NRXN1: variants seen among roughly 807,000 people sequenced by gnomAD.
NRXN1 encodes neurexin 1, also known as neurexin-1.
In NRXN1, 39 loss-of-function variants were observed where a neutral mutation model predicts 150.9. That is an observed-to-expected ratio of 0.26 (90% CI 0.20 to 0.34). The LOEUF (loss-of-function observed/expected upper bound fraction) is 0.34, where lower values mean the gene tolerates loss of function less well. Among genes scored for constraint, NRXN1 ranks in the 10% least tolerant of loss-of-function variants. The pLI is 1.00. For missense variants in NRXN1, 1,815 were observed against 1,949.9 expected (o/e 0.93, Z 1.30); for synonymous variants, 924 against 757.0 (o/e 1.22, Z -3.62).
intron 12 of NRXN1, chr2:50,506,835 A>G (rs2092249810): frequency 1.9e-6 from 1 of 528,970 alleles, no homozygotes. Context: ...AGCAAGGAAA[A>G]TGACAACTTT....
intron 18 of NRXN1, among the ~76,000 whole-genome samples, chr2:50,197,136 G>C (rs1474785868): frequency 1.3e-5 from 2 of 152,072 alleles, no homozygotes; most frequent in East Asian, 1.9e-4. Context: ...GAAAATTATA[G>C]TCCACTTTTT....
At position 50,146,885 on chromosome 2, in the gene NRXN1, A is replaced by G. The variant is rs574116940; in HGVS notation, c.3547-55391T>C. On this transcript the variant is annotated intron_variant, in intron 18 of 22. Coordinates refer to ENST00000401669, the MANE Select transcript of NRXN1 (RefSeq NM_001330078.2). ...TGGGAAGTCTTTTCTGAAGGTTTCA[A>G]TTTATTCCTCTTAAGAATTTATTTT... Among the ~76,000 whole-genome samples, 51 of 151,800 alleles carry G rather than the reference A, an allele frequency of 3.4e-4. No individual in the cohort carries two copies. The South Asian group carries it at 9.5e-3, about 28-fold the overall frequency.
In NRXN1 at chr2:50,253,269, G is replaced by T. The variant is rs745759098; in HGVS notation, c.3365-16299C>A. Reference sequence around the variant, plus strand: ...TTTCTGCACATTGATTTTGTATCTTGAGACTTTGCTGAAGTTGTTTATCAG... The same window carrying T: ...TTTCTGCACATTGATTTTGTATCTTTAGACTTTGCTGAAGTTGTTTATCAG... On this transcript the variant is annotated intron_variant, in intron 17 of 22. Transcript: ENST00000401669. 2.2e-4 allele frequency among the ~76,000 whole-genome samples: 34 copies of T among 152,132 alleles called. 1 individual carries two copies. The highest frequency in any genetic ancestry group is 1.2e-4 in the Non-Finnish European group (8 of 68,028).
intron 17 of NRXN1, among the ~76,000 whole-genome samples, chr2:50,376,143 C>T (rs1159003202): frequency 6.6e-6 from 1 of 151,128 alleles, no homozygotes; most frequent in African/African-American, 2.4e-5. Context: ...TTCATTAATT[C>T]CTGAAGAAAA....
intron 15 of NRXN1, among the ~76,000 whole-genome samples, chr2:50,491,514 TGAG>T (rs2091253143): frequency 6.6e-6 from 1 of 151,988 alleles, no homozygotes; most frequent in African/African-American, 2.4e-5. Flanking sequence ...CTAGGAAGGT[TGAG>T]GAGGAGATAA....
intron 16 of NRXN1, among the ~76,000 whole-genome samples, chr2:50,468,923 T>A (rs1558784534): frequency 6.6e-6 from 1 of 151,662 alleles, no homozygotes; most frequent in East Asian, 1.9e-4. Flanking sequence ...TAATGGAGCC[T>A]AGAGCTGAAT....
chr2:50,021,538 A>C (rs1687567807), intron 21 of NRXN1, among the ~76,000 whole-genome samples: 1 of 152,208 alleles, frequency 6.6e-6, no homozygotes, highest in Non-Finnish European at 1.5e-5. Context: ...CCCGTTGAGA[A>C]ATAGTGAAGA....
At chr2:50,375,196 A>T (rs371769121) in intron 17 of NRXN1, among the ~76,000 whole-genome samples, 1 of 152,050 alleles carries the variant, frequency 6.6e-6, no homozygotes, top group South Asian at 2.1e-4. Flanking sequence ...GGAAAGTTGC[A>T]TGCTTTCTCT....
chr2:50,894,040 G>T (rs1334072901), intron 5 of NRXN1, among the ~76,000 whole-genome samples: 1 of 151,630 alleles, frequency 6.6e-6, no homozygotes, highest in Non-Finnish European at 1.5e-5. Flanking sequence ...CTTTGCTATT[G>T]TGAATAATGC....
At chr2:50,521,895 CT>C (rs2092798913) in intron 12 of NRXN1, among the ~76,000 whole-genome samples, 1 of 152,072 alleles carries the variant, frequency 6.6e-6, no homozygotes, top group Admixed American at 6.6e-5. Flanking sequence ...TGGTGAGTAG[CT>C]TATGGGGCGA....
chr2:50,647,486 A>G, intron 5 of NRXN1, among the ~76,000 whole-genome samples: 1 of 151,996 alleles, frequency 6.6e-6, no homozygotes, highest in East Asian at 1.9e-4. Flanking sequence ...CAAAATAGAA[A>G]TAGCTTACAA....
At chr2:50,504,978 C>G (rs571521662) in intron 13 of NRXN1, among the ~76,000 whole-genome samples, 1 of 152,172 alleles carries the variant, frequency 6.6e-6, no homozygotes, top group South Asian at 2.1e-4. Flanking sequence ...ATACCCAAAA[C>G]CAAGTTCCTT....
At chr2:50,804,840 T>C (rs1574533740) in intron 5 of NRXN1, among the ~76,000 whole-genome samples, 1 of 152,336 alleles carries the variant, frequency 6.6e-6, no homozygotes, top group East Asian at 1.9e-4. Flanking sequence ...CCAACCACTC[T>C]TCCCTTCTCC....
chr2:50,497,237 A>C, intron 14 of NRXN1, 96 bp downstream of exon 14: 1 of 925,854 alleles, frequency 1.1e-6, no homozygotes, highest in Non-Finnish European at 1.5e-6. Flanking sequence ...CCACCACCTT[A>C]TGAGCCAGTA....
chr2:50,041,204 T>C (rs1451938009), intron 21 of NRXN1, among the ~76,000 whole-genome samples: 1 of 152,210 alleles, frequency 6.6e-6, no homozygotes, highest in African/African-American at 2.4e-5. Flanking sequence ...ATTTAAGTCT[T>C]TGCATCCAAT....
intron 17 of NRXN1, among the ~76,000 whole-genome samples, chr2:50,450,370 A>G (rs1295723214): frequency 6.6e-6 from 1 of 152,038 alleles, no homozygotes; most frequent in Non-Finnish European, 1.5e-5. Context: ...TTCCATAAAT[A>G]TATACTGAGT....
chr2:50,788,615 G>GA (rs1705486638), intron 5 of NRXN1, among the ~76,000 whole-genome samples: 1 of 151,940 alleles, frequency 6.6e-6, no homozygotes, highest in Admixed American at 6.6e-5. Context: ...CAGAGAGAGA[G>GA]AGAGAGAAAG....
chr2:50,439,831 GA>G (rs2085785057), intron 17 of NRXN1, among the ~76,000 whole-genome samples: 1 of 140,504 alleles, frequency 7.1e-6, no homozygotes, highest in Non-Finnish European at 1.5e-5. Context: ...AAAAAAAAAA[GA>G]AAAGAAAGAT....
At chr2:50,620,292 T>G in intron 7 of NRXN1, 109 bp from the exon 8 acceptor site, 1 of 1,279,700 alleles carries the variant, frequency 7.8e-7, no homozygotes. Context: ...TTTGTTTTGT[T>G]TTGCTTTTTT....
Sources: gnomAD v4.1 joint callset for allele counts (sites outside exome capture counted in the v4.1 genomes callset) on GRCh38, gnomAD v4.1.1 for gene constraint, MANE v1.5 for transcripts, NCBI Gene and HGNC (gene_info 2026-07-23, HGNC 2026-07-21) for gene names.